DPY19L3: variants seen among roughly 807,000 people sequenced by gnomAD.
DPY19L3 encodes the protein dpy-19 like C-mannosyltransferase 3.
Under a neutral mutation model 92.3 loss-of-function variants are expected in DPY19L3, and 51 were observed. The ratio of observed to expected loss-of-function variants is 0.55; its 90% confidence interval spans 0.44 to 0.70. DPY19L3 has a LOEUF of 0.70. Ranked by LOEUF, DPY19L3 falls within the 30% of genes least tolerant of loss-of-function variation. The probability of loss-of-function intolerance (pLI) is 0.00; values close to 1 mark genes in which losing one functional copy is unlikely to be tolerated. For synonymous variants in DPY19L3, 309 were observed against 315.2 expected (o/e 0.98, Z 0.21); for missense variants, 706 against 855.9 (o/e 0.82, Z 2.18).
rs1204853261 is a variant in DPY19L3 at position 32,483,932 on chromosome 19, G to A, written c.*1692G>A. 6.6e-6 allele frequency: 1 copy of A among 152,500 alleles called. No individual in the cohort carries two copies. Among genetic ancestry groups the A allele is most frequent in the Non-Finnish European group, 1.5e-5 (1 of 68,020 alleles). The allele number at this position is 152,500 out of a possible 1,614,324, so 9.4% of individuals were successfully genotyped here. A position where few individuals can be genotyped will look rare whatever the true frequency, so the allele number is the denominator to read the frequency against. Reference sequence around the variant, plus strand: ...AGTGCCTTACTCTAATTGAAACCAAGCACACGTAAGGTACAATATGTTAGA... The same window carrying A: ...AGTGCCTTACTCTAATTGAAACCAAACACACGTAAGGTACAATATGTTAGA... On this transcript the variant is annotated 3_prime_UTR_variant, in exon 19 of 19. Coordinates refer to ENST00000392250, the MANE Select transcript of DPY19L3 (RefSeq NM_001172774.2).
intron 3 of DPY19L3, among the ~76,000 whole-genome samples, chr19:32,422,902 G>T (rs938881967): frequency 2.2e-4 from 33 of 152,152 alleles, no homozygotes; most frequent in African/African-American, 7.7e-4. Context: ...CCACAGTAAT[G>T]TCTAATGGTC....
intron 8 of DPY19L3, among the ~76,000 whole-genome samples, chr19:32,447,816 T>C (rs1465595242): frequency 1.1e-5 from 1 of 89,834 alleles, no homozygotes; most frequent in Non-Finnish European, 2.3e-5. Context: ...GATAGATAGA[T>C]TAGATAGATA....
rs551007999 is a variant in DPY19L3 at position 32,456,163 on chromosome 19, T to G, written c.1089+1123T>G. Among the ~76,000 whole-genome samples the G allele has an allele frequency of 7.5e-5, 11 of 147,202 alleles. No individual in the cohort carries two copies. In the East Asian group the frequency reaches 2.3e-3, roughly 30 times the overall value. ...TGGTCATGGCTCACTGCAGCCTCGA[T>G]CTCCTGGATTTAGGTGATCCTCCCA... On this transcript the variant is annotated intron_variant, in intron 10 of 18. Coordinates refer to ENST00000392250, the MANE Select transcript of DPY19L3 (RefSeq NM_001172774.2).
At chr19:32,473,771 G>A (rs756437688) in intron 16 of DPY19L3, among the ~76,000 whole-genome samples, 13 of 152,208 alleles carry the variant, frequency 8.5e-5, no homozygotes, top group Non-Finnish European at 1.8e-4. Context: ...ACTGTCCTCA[G>A]AAGTCAGTCA....
At position 32,408,236 on chromosome 19, in the gene DPY19L3, G is replaced by A; in HGVS notation, c.-18G>A. ...ATCTAGGAGTGATTTGGAGAACAATGCATGTAAGTCTGACATCATGATGTC... is the reference window on the plus strand; with the variant it reads ...ATCTAGGAGTGATTTGGAGAACAATACATGTAAGTCTGACATCATGATGTC... On this transcript the variant is annotated 5_prime_UTR_variant, in exon 2 of 19. It removes an upstream start codon present in the reference 5' UTR. Transcript: ENST00000392250. 6.3e-7 allele frequency: 1 copy of A among 1,578,860 alleles called. No individual in the cohort carries two copies. The highest frequency in any genetic ancestry group is 8.7e-7 in the Non-Finnish European group (1 of 1,151,122).
In DPY19L3 at chr19:32,471,843, G is replaced by C. The variant is rs575117674; in HGVS notation, c.1697+3030G>C. The stretch of plus-strand genomic sequence containing the variant: ...CTGAGGGTGACACTTAACATGAGAA[G>C]GGTCATACCCAAGGGATTGGATTCC... On this transcript the variant is annotated intron_variant, in intron 16 of 18. Transcript: ENST00000392250. Among the ~76,000 whole-genome samples, 279 of 152,322 alleles carry C rather than the reference G, an allele frequency of 1.8e-3. 1 individual carries two copies. Among genetic ancestry groups the C allele is most frequent in the Non-Finnish European group, 3.4e-3 (230 of 68,030 alleles).
rs1481881538 is a variant in DPY19L3, at chr19:32,458,085, C to T, written c.1090-15C>T. The T allele has an allele frequency of 6.2e-7, 1 of 1,603,384 alleles. No homozygotes were observed. The highest frequency in any genetic ancestry group is 2.2e-5 in the East Asian group (1 of 44,808). On this transcript the variant is annotated splice_polypyrimidine_tract_variant and intron_variant, in intron 10 of 18. Transcript: ENST00000392250. ...AAGGACTAATAGCAATTTTTGTTTT[C>T]TCTTTCCCCGATAGAAAATTCTTAA...
chr19:32,437,997 A>G (rs1969200469), intron 6 of DPY19L3, among the ~76,000 whole-genome samples: 1 of 152,176 alleles, frequency 6.6e-6, no homozygotes. Context: ...TTATATCTTC[A>G]CTATCAACCT....
intron 8 of DPY19L3, among the ~76,000 whole-genome samples, chr19:32,441,411 ACAGT>A (rs955884576): frequency 3.3e-5 from 5 of 152,202 alleles, no homozygotes; most frequent in African/African-American, 9.6e-5. Flanking sequence ...TAAAGTATCA[ACAGT>A]CAGCTACACG....
At position 32,475,265 on chromosome 19, in the gene DPY19L3, G is replaced by C. The variant is rs772854213; in HGVS notation, c.1698-2257G>C. On this transcript the variant is annotated intron_variant, in intron 16 of 18. Transcript: ENST00000392250. ...TGGAATGGATGTTGGAAGCTCAGCT[G>C]CCGGGTTCGTCTTTTGTGTAGAAGG... Among the ~76,000 whole-genome samples the C allele has an allele frequency of 2.0e-5, 3 of 152,340 alleles. No individual in the cohort carries two copies. The South Asian group carries it at 6.2e-4, about 32-fold the overall frequency.
chr19:32,417,299 C>T (rs983929529), intron 3 of DPY19L3, among the ~76,000 whole-genome samples: 3 of 152,110 alleles, frequency 2.0e-5, no homozygotes, highest in Non-Finnish European at 4.4e-5. Flanking sequence ...ATGATAGTGT[C>T]ACGAGATCTG....
intron 16 of DPY19L3, among the ~76,000 whole-genome samples, chr19:32,472,029 C>T (rs1970373003): frequency 6.6e-6 from 1 of 152,158 alleles, no homozygotes; most frequent in Non-Finnish European, 1.5e-5. Context: ...AGCTGCCTTT[C>T]ACTGGAGTAA....
chr19:32,422,549 G>A (rs112034565), intron 3 of DPY19L3, among the ~76,000 whole-genome samples: 26 of 151,920 alleles, frequency 1.7e-4, no homozygotes, highest in African/African-American at 6.3e-4. Context: ...GAGAAAGCAA[G>A]TGACAATTGA....
Position 32,454,999 on chromosome 19 carries a change from A to G in DPY19L3, c.1048A>G (p.Met350Val), listed in dbSNP as rs8105178. The change falls in exon 10 of 19, where the codon ATG (methionine) becomes GTG (valine). Residue 350 changes from methionine (M) to valine (V), a missense_variant. Met to Val is a conservative substitution (Grantham distance 21). Transcript: ENST00000392250. ...RLGKLLLHLFMVLCLTLFLNN... is the reference protein window; with the variant it reads ...RLGKLLLHLFVVLCLTLFLNN... The stretch of plus-strand genomic sequence containing the variant: ...TGGGAAACTTTTGTTACATTTATTT[A>G]TGGTTTTATGTTTGACACTTTTTCT... 3,614 of 1,573,950 alleles carry G rather than the reference A, an allele frequency of 2.3e-3. 85 individuals are homozygous for G. The African/African-American group carries it at 0.041, about 18-fold the overall frequency.
intron 8 of DPY19L3, among the ~76,000 whole-genome samples, chr19:32,444,832 C>G (rs1401749572): frequency 6.6e-6 from 1 of 152,056 alleles, no homozygotes; most frequent in African/African-American, 2.4e-5. Flanking sequence ...CCTGTAATCC[C>G]AGCACTTTTG....
chr19:32,439,334 T>G, intron 7 of DPY19L3, 99 bp downstream of exon 7: 1 of 1,259,094 alleles, frequency 7.9e-7, no homozygotes, highest in Non-Finnish European at 1.1e-6. Context: ...ATGTGAATAG[T>G]TCTTATTCCA....
At chr19:32,407,760 T>C (rs1968025170) in intron 1 of DPY19L3, among the ~76,000 whole-genome samples, 1 of 152,198 alleles carries the variant, frequency 6.6e-6, no homozygotes, top group South Asian at 2.1e-4. Flanking sequence ...AATTGTGTTT[T>C]GAGTGTAGCT....
chr19:32,442,927 C>T (rs1375219465), intron 8 of DPY19L3, among the ~76,000 whole-genome samples: 2 of 152,210 alleles, frequency 1.3e-5, no homozygotes, highest in Admixed American at 1.3e-4. Context: ...AGAACTTTCA[C>T]CATCTCCCAG....
chr19:32,430,146 T>C (rs893213555), intron 3 of DPY19L3, among the ~76,000 whole-genome samples: 6 of 152,194 alleles, frequency 3.9e-5, no homozygotes, highest in Admixed American at 1.3e-4. Context: ...CCCAGCACTT[T>C]GGGAGGCCAC....
Sources: gnomAD v4.1 joint callset for allele counts (sites outside exome capture counted in the v4.1 genomes callset) on GRCh38, gnomAD v4.1.1 for gene constraint, MANE v1.5 for transcripts, NCBI Gene and HGNC (gene_info 2026-07-23, HGNC 2026-07-21) for gene names.